CDKL3: variants seen among roughly 807,000 people sequenced by gnomAD.
The protein encoded by CDKL3 is cyclin-dependent kinase-like 3.
In CDKL3, 65 loss-of-function variants were observed where a neutral mutation model predicts 69.3. The ratio of observed to expected loss-of-function variants is 0.94; its 90% CI spans 0.77 to 1.15. The LOEUF (loss-of-function observed/expected upper bound fraction) is 1.15, where lower values mean the gene tolerates loss of function less well. Among genes scored for constraint, CDKL3 ranks in the 50% most tolerant of loss-of-function variants. CDKL3 has a pLI of 0.00. For synonymous variants in CDKL3, 202 were observed against 221.6 expected, an observed-to-expected ratio of 0.91 and a Z score of 0.79; for missense variants, 652 against 689.2, an observed-to-expected ratio of 0.95 and a Z score of 0.61.
At chr5:134,313,911 G>A (rs1288593879) in intron 6 of CDKL3, among the ~76,000 whole-genome samples, 2 of 151,962 alleles carry the variant, frequency 1.3e-5, no homozygotes, top group Non-Finnish European at 2.9e-5. Flanking sequence ...GCAACAGAGG[G>A]TGGATCACCT....
At chr5:134,357,290 A>G (rs955323890) in intron 3 of CDKL3, among the ~76,000 whole-genome samples, 5 of 151,998 alleles carry the variant, frequency 3.3e-5, no homozygotes, top group African/African-American at 1.2e-4. Context: ...CTAAAAATAC[A>G]AAAATTAGCC....
rs1478803047 is a variant in CDKL3 at position 134,367,003 on chromosome 5, T to C, written c.-48A>G. 2 of 989,584 alleles carry C rather than the reference T, an allele frequency of 2.0e-6. No homozygotes were observed. The highest frequency in any genetic ancestry group is 4.5e-5 in the South Asian group (1 of 22,020). 61.3% of individuals were successfully genotyped at this position (989,584 alleles called of 1,614,324 possible). The stretch of plus-strand genomic sequence containing the variant: ...GGCGTCACGCCCCACGTCCCGCTGT[T>C]GACTTTATCCAAACAGCCGCCGCCG... On this transcript the variant is annotated 5_prime_UTR_variant, in exon 1 of 13. Transcript: ENST00000265334.
intron 8 of CDKL3, among the ~76,000 whole-genome samples, chr5:134,293,366 A>G (rs992646890): frequency 2.0e-5 from 3 of 152,070 alleles, no homozygotes; most frequent in Admixed American, 1.3e-4. Context: ...AATAAAATCA[A>G]TCCTACACAA....
Position 134,324,540 on chromosome 5 carries a change from CA to C in CDKL3, c.540-2638del, listed in dbSNP as rs535600568. 8.8e-4 allele frequency among the ~76,000 whole-genome samples: 131 copies of C among 149,294 alleles called. No homozygotes were observed. In the East Asian group the frequency reaches 0.013, roughly 14 times the overall value. On this transcript the variant is annotated intron_variant, in intron 4 of 12. Transcript: ENST00000265334. ...AAAGAGAAGTGAGCTGTCAAGATAC[CA>C]AAAAAAAAGGAGGAACCTTAAATAT...
upstream of CDKL3, among the ~76,000 whole-genome samples, chr5:134,368,641 A>G (rs1757981361): frequency 7.4e-6 from 1 of 135,502 alleles, no homozygotes; most frequent in Non-Finnish European, 1.6e-5. Flanking sequence ...AAAAAAAAAA[A>G]GAAAGTTATT....
chr5:134,352,757 A>G (rs1012775309), intron 3 of CDKL3, among the ~76,000 whole-genome samples: 19 of 152,044 alleles, frequency 1.2e-4, no homozygotes, highest in African/African-American at 4.6e-4. Context: ...TCCTTTGCCC[A>G]ATTTTTAATC....
upstream of CDKL3, among the ~76,000 whole-genome samples, chr5:134,367,664 G>C (rs981629125): frequency 9.9e-5 from 15 of 152,118 alleles, no homozygotes; most frequent in African/African-American, 3.4e-4. Flanking sequence ...GTAAGCCACC[G>C]CCCCCGGTCA....
At chr5:134,367,840 C>T (rs1299754129), upstream of CDKL3, among the ~76,000 whole-genome samples, 1 of 152,116 alleles carries the variant, frequency 6.6e-6, no homozygotes, top group African/African-American at 2.4e-5. Context: ...AAATGATGTA[C>T]AAGAGCACGG....
downstream of CDKL3, among the ~76,000 whole-genome samples, chr5:134,293,567 G>C (rs1323680276): frequency 6.6e-6 from 1 of 152,114 alleles, no homozygotes; most frequent in Admixed American, 6.6e-5. Flanking sequence ...AGGCCGAGGT[G>C]GGAGGATCAC....
Position 134,308,475 on chromosome 5 carries a change from G to A in CDKL3, c.1036-9C>T. On this transcript the variant is annotated splice_polypyrimidine_tract_variant and intron_variant, in intron 8 of 12. Coordinates refer to ENST00000265334, the MANE Select transcript of CDKL3 (RefSeq NM_001113575.2). Reference sequence around the variant, plus strand: ...TTCTCTTTTTCTATTTCCTGGAATAGATACATCCAAAATCTGAGTCATCAT... The same window carrying A: ...TTCTCTTTTTCTATTTCCTGGAATAAATACATCCAAAATCTGAGTCATCAT... 6.3e-7 allele frequency: 1 copy of A among 1,584,462 alleles called. No individual in the cohort carries two copies. The highest frequency in any genetic ancestry group is 1.2e-5 in the South Asian group (1 of 85,634).
chr5:134,305,453 C>T (rs1483421406), intron 10 of CDKL3, among the ~76,000 whole-genome samples: 1 of 152,146 alleles, frequency 6.6e-6, no homozygotes, highest in Non-Finnish European at 1.5e-5. Flanking sequence ...ATACTATTCA[C>T]TGCACTCTGA....
At chr5:134,299,433 C>T (rs1765781644) in intron 12 of CDKL3, 15 of 1,058,492 alleles carry the variant, frequency 1.4e-5, no homozygotes, top group Non-Finnish European at 1.8e-5. Flanking sequence ...AATTATATGA[C>T]TAAATGTAAG....
At chr5:134,297,890 TTGTGTGTGTGTGTGTGTGTGTGTGTG>T (rs528154005), downstream of CDKL3, among the ~76,000 whole-genome samples, 2 of 105,104 alleles carry the variant, frequency 1.9e-5, no homozygotes, top group South Asian at 3.6e-4. Flanking sequence ...CATGAATAGT[TTGTGTGTGTGTGTGTGTGTGTGTGTG>T]TGTGTGTGTG....
upstream of CDKL3, among the ~76,000 whole-genome samples, chr5:134,368,291 T>A: frequency 6.6e-6 from 1 of 152,330 alleles, no homozygotes; most frequent in South Asian, 2.1e-4. Flanking sequence ...TCGTTTTCAT[T>A]GATCACCTAA....
rs549513132 is a variant in CDKL3, at chr5:134,338,615, G to T, written c.539+11634C>A. 2.0e-5 allele frequency among the ~76,000 whole-genome samples: 3 copies of T among 152,254 alleles called. 1 individual carries two copies. The South Asian group carries it at 6.2e-4, about 32-fold the overall frequency. ...GGAGGCTGAGGCAGGAGAATCACTT[G>T]AAAAGAGGAGGCAGAGGTTTCAGTG... On this transcript the variant is annotated intron_variant, in intron 4 of 12. Transcript: ENST00000265334.
At chr5:134,312,877 T>C (rs1319046997) in intron 6 of CDKL3, among the ~76,000 whole-genome samples, 1 of 152,222 alleles carries the variant, frequency 6.6e-6, no homozygotes, top group East Asian at 1.9e-4. Context: ...ATCAGCTCTT[T>C]TCTGTTTCCC....
At chr5:134,320,663 C>G (rs990003766) in intron 5 of CDKL3, among the ~76,000 whole-genome samples, 1 of 151,854 alleles carries the variant, frequency 6.6e-6, no homozygotes, top group Non-Finnish European at 1.5e-5. Flanking sequence ...ATCACGAGGT[C>G]AGGAAATCGA....
chr5:134,299,892 C>T (rs1765899699), intron 12 of CDKL3: 1 of 574,140 alleles, frequency 1.7e-6, no homozygotes, highest in Non-Finnish European at 3.0e-6. Context: ...CAATGTATTC[C>T]TTATCATTAT....
chr5:134,310,599 T>C (rs1769180054), intron 7 of CDKL3, among the ~76,000 whole-genome samples: 1 of 152,168 alleles, frequency 6.6e-6, no homozygotes. Context: ...ATGACTCTCC[T>C]GTCCCAGCCT....
Sources: gnomAD v4.1 joint callset for allele counts (sites outside exome capture counted in the v4.1 genomes callset) on GRCh38, gnomAD v4.1.1 for gene constraint, MANE v1.5 for transcripts, NCBI Gene and HGNC (gene_info 2026-07-23, HGNC 2026-07-21) for gene names.